The following CEP112 variants were observed in gnomAD, a reference collection of about 807,000 sequenced individuals.
CEP112 encodes the protein centrosomal protein of 112 kDa.
A neutral mutation model predicts 153.0 loss-of-function variants in CEP112; 127 were observed. That is an observed-to-expected ratio of 0.83 (90% CI 0.72 to 0.96). The LOEUF is 0.96. CEP112 is among the 40% of genes least tolerant of loss of function. The pLI, the probability that CEP112 is intolerant of heterozygous loss-of-function variation, is 0.00. For synonymous variants in CEP112, 358 were observed against 374.4 expected (o/e 0.96, Z 0.51); for missense variants, 1,089 against 1,101.2 (o/e 0.99, Z 0.16).
At chr17:65,886,024 G>C (rs1286594419) in intron 20 of CEP112, among the ~76,000 whole-genome samples, 2 of 152,104 alleles carry the variant, frequency 1.3e-5, no homozygotes, top group Non-Finnish European at 2.9e-5. Context: ...GCCTGTGCTG[G>C]GATTAAACCC....
chr17:65,979,093 G>T (rs1599239884), intron 17 of CEP112, among the ~76,000 whole-genome samples: 2 of 152,164 alleles, frequency 1.3e-5, no homozygotes, highest in East Asian at 3.9e-4. Flanking sequence ...TGCCTGCTCT[G>T]GATCTAAAAT....
At chr17:65,769,407 TAGA>T (rs1158728744) in intron 21 of CEP112, among the ~76,000 whole-genome samples, 1 of 56,542 alleles carries the variant, frequency 1.8e-5, no homozygotes, top group Non-Finnish European at 3.6e-5. Flanking sequence ...TTCACAGAAA[TAGA>T]AAAAAAAACC....
At chr17:66,132,613 G>T (rs917526503) in intron 5 of CEP112, 57 bp downstream of exon 5, 11 of 1,185,126 alleles carry the variant, frequency 9.3e-6, no homozygotes, top group Admixed American at 1.7e-5. Context: ...TTAAAACTTT[G>T]TTCAGCTATT....
intron 8 of CEP112, among the ~76,000 whole-genome samples, chr17:66,094,596 T>A (rs1201373032): frequency 6.6e-6 from 1 of 152,102 alleles, no homozygotes; most frequent in African/African-American, 2.4e-5. Context: ...TGGGCAATGA[T>A]GTTTTGGATA....
intron 6 of CEP112, among the ~76,000 whole-genome samples, chr17:66,128,039 A>T (rs900504196): frequency 5.3e-5 from 8 of 152,044 alleles, no homozygotes; most frequent in African/African-American, 1.9e-4. Context: ...GGTGGCCCAC[A>T]CTTGTAATCC....
intron 5 of CEP112, among the ~76,000 whole-genome samples, chr17:66,131,558 A>G (rs6504398): frequency 0.5 from 75,070 of 151,642 alleles, 19,318 homozygotes; most frequent in Middle Eastern, 0.58. Flanking sequence ...TGACTAACAC[A>G]GTGAAACCCC....
intron 4 of CEP112, among the ~76,000 whole-genome samples, chr17:66,156,589 C>G (rs573153970): frequency 4.6e-5 from 7 of 152,156 alleles, no homozygotes; most frequent in Non-Finnish European, 8.8e-5. Context: ...CTCCTCTGAG[C>G]TAAAGGAGCA....
chr17:65,802,016 G>C (rs1008416055), intron 21 of CEP112, among the ~76,000 whole-genome samples: 2 of 152,142 alleles, frequency 1.3e-5, no homozygotes, highest in African/African-American at 4.8e-5. Context: ...TGTTGTTGTT[G>C]ATGGGGACTT....
intron 21 of CEP112, among the ~76,000 whole-genome samples, chr17:65,754,156 AT>A: frequency 2.0e-5 from 3 of 152,238 alleles, no homozygotes; most frequent in Non-Finnish European, 4.4e-5. Context: ...GTACTTTATA[AT>A]TTTAAAAATA....
intron 17 of CEP112, among the ~76,000 whole-genome samples, chr17:65,970,694 T>C (rs1599200235): frequency 6.6e-6 from 1 of 152,052 alleles, no homozygotes; most frequent in African/African-American, 2.4e-5. Context: ...CACACATGCA[T>C]ATTACATGCA....
chr17:65,740,070 T>C (rs1008665026), intron 23 of CEP112, among the ~76,000 whole-genome samples: 5 of 152,252 alleles, frequency 3.3e-5, no homozygotes, highest in Non-Finnish European at 7.3e-5. Flanking sequence ...TTTTTTTCTC[T>C]TGAGTTATAC....
chr17:66,063,220 T>A, intron 10 of CEP112, 139 bp from the exon 11 acceptor site: 1 of 441,926 alleles, frequency 2.3e-6, no homozygotes, highest in South Asian at 5.3e-5. Flanking sequence ...ATATCTTTTA[T>A]TCCTTGCTCT....
chr17:66,063,727 A>G (rs2067011228), intron 10 of CEP112, among the ~76,000 whole-genome samples: 1 of 152,176 alleles, frequency 6.6e-6, no homozygotes, highest in South Asian at 2.1e-4. Flanking sequence ...AACGTTCTAC[A>G]GCTCTTCTCA....
chr17:65,686,256 A>G (rs906046081), intron 24 of CEP112, among the ~76,000 whole-genome samples: 2 of 152,060 alleles, frequency 1.3e-5, no homozygotes, highest in African/African-American at 4.8e-5. Flanking sequence ...AGCCTAATAG[A>G]AGATATCAGG....
At chr17:65,824,123 A>G (rs1410141498) in intron 21 of CEP112, among the ~76,000 whole-genome samples, 1 of 152,230 alleles carries the variant, frequency 6.6e-6, no homozygotes, top group African/African-American at 2.4e-5. Context: ...ATTAAAGTGC[A>G]TATTCACACA....
intron 24 of CEP112, among the ~76,000 whole-genome samples, chr17:65,661,212 C>CTCTCCAT (rs2046370039): frequency 6.6e-6 from 1 of 152,150 alleles, no homozygotes; most frequent in Admixed American, 6.5e-5. Flanking sequence ...TAGAGAACCA[C>CTCTCCAT]TCTCCATTCT....
chr17:65,641,491 G>A (rs2045131053), intron 24 of CEP112, among the ~76,000 whole-genome samples: 7 of 152,158 alleles, frequency 4.6e-5, no homozygotes, highest in Admixed American at 4.6e-4. Flanking sequence ...TTGAGGGGGT[G>A]GTGGCTCACG....
intron 4 of CEP112, among the ~76,000 whole-genome samples, chr17:66,144,085 C>A (rs536110920): frequency 6.6e-6 from 1 of 152,116 alleles, no homozygotes; most frequent in Non-Finnish European, 1.5e-5. Context: ...CACACCTGTA[C>A]CTGATTTTTA....
chr17:66,099,058 T>C (rs769017307), intron 6 of CEP112, among the ~76,000 whole-genome samples: 1 of 152,100 alleles, frequency 6.6e-6, no homozygotes, highest in African/African-American at 2.4e-5. Flanking sequence ...GCTTGGAAAC[T>C]ATGAAGAACC....
Sources: allele counts gnomAD v4.1 joint callset (sites outside exome capture counted in the v4.1 genomes callset), GRCh38; gene constraint gnomAD v4.1.1; transcripts MANE v1.5; gene names NCBI Gene and HGNC (gene_info 2026-07-23, HGNC 2026-07-21).